The following XKR4 variants were observed in gnomAD, a reference collection of about 807,000 sequenced individuals.
XKR4 encodes XK-related protein 4.
Under a neutral mutation model 53.9 loss-of-function variants are expected in XKR4, and 12 were observed. The observed-to-expected ratio is 0.22, with a 90% CI of 0.14 to 0.36. XKR4 has a LOEUF of 0.36. Among genes scored for constraint, XKR4 ranks in the 10% least tolerant of loss-of-function variants. XKR4 has a pLI of 1.00. For missense variants in XKR4, 799 were observed against 859.5 expected (o/e 0.93, Z 0.88); for synonymous variants, 354 against 362.4 (o/e 0.98, Z 0.26).
intron 1 of XKR4, among the ~76,000 whole-genome samples, chr8:55,319,806 G>C (rs1245776327): frequency 2.6e-5 from 4 of 152,196 alleles, no homozygotes; most frequent in Admixed American, 1.3e-4. Context: ...AAAGTTACTT[G>C]GTGAGATGAA....
chr8:55,127,727 C>A, intron 1 of XKR4, among the ~76,000 whole-genome samples: 1 of 120,464 alleles, frequency 8.3e-6, no homozygotes, highest in Non-Finnish European at 1.7e-5. Context: ...GCTATCCCTC[C>A]CCCCTCCCCC....
intron 2 of XKR4, among the ~76,000 whole-genome samples, chr8:55,441,309 A>G (rs1805262749): frequency 6.6e-6 from 1 of 152,134 alleles, no homozygotes; most frequent in Non-Finnish European, 1.5e-5. Flanking sequence ...TTAAAAATAA[A>G]TAAATCACCA....
chr8:55,438,813 A>G (rs1805222618), intron 2 of XKR4, among the ~76,000 whole-genome samples: 1 of 152,200 alleles, frequency 6.6e-6, no homozygotes, highest in Non-Finnish European at 1.5e-5. Context: ...TAAGGACAAG[A>G]GAGGCTATAA....
intron 1 of XKR4, among the ~76,000 whole-genome samples, chr8:55,242,055 T>A (rs13271470): frequency 0.5 from 76,116 of 152,054 alleles, 21,920 homozygotes; most frequent in Non-Finnish European, 0.66. Context: ...TTATTCTGAA[T>A]GGTTTAAGTG....
intron 1 of XKR4, among the ~76,000 whole-genome samples, chr8:55,180,949 T>C (rs566632417): frequency 6.6e-6 from 1 of 152,320 alleles, no homozygotes; most frequent in Non-Finnish European, 1.5e-5. Flanking sequence ...CACAACAGAC[T>C]TGCTAATGAG....
chr8:55,350,429 T>C lies in XKR4; in HGVS notation c.807-7249T>C, dbSNP rs76615365. 1.7e-3 allele frequency among the ~76,000 whole-genome samples: 260 copies of C among 152,250 alleles called. 2 individuals carry two copies. Among genetic ancestry groups the C allele is most frequent in the African/African-American group, 6.1e-3 (255 of 41,542 alleles). ...AGTTGCTATGTTGTATGGAGGTCTT[T>C]CCTCCATCAAAAATTCAGGCATTTT... is the stretch of plus-strand genomic sequence containing the variant. On this transcript the variant is annotated intron_variant, in intron 1 of 2. Transcript: ENST00000327381.
intron 2 of XKR4, among the ~76,000 whole-genome samples, chr8:55,432,932 G>A (rs1382192286): frequency 6.6e-6 from 1 of 152,156 alleles, no homozygotes; most frequent in Non-Finnish European, 1.5e-5. Flanking sequence ...GTAGCAGGTG[G>A]GGTAGGGTCT....
chr8:55,214,450 G>A (rs897543903), intron 1 of XKR4, among the ~76,000 whole-genome samples: 1 of 152,138 alleles, frequency 6.6e-6, no homozygotes, highest in Admixed American at 6.6e-5. Flanking sequence ...ACTATAGTGA[G>A]TATTGTACAT....
intron 2 of XKR4, among the ~76,000 whole-genome samples, chr8:55,405,646 T>C (rs1804669784): frequency 6.6e-6 from 1 of 152,260 alleles, no homozygotes; most frequent in Non-Finnish European, 1.5e-5. Context: ...ACACTCTTGA[T>C]ACTCTTCAAT....
intron 1 of XKR4, among the ~76,000 whole-genome samples, chr8:55,200,433 C>A (rs1474402615): frequency 2.6e-5 from 4 of 152,152 alleles, no homozygotes; most frequent in Non-Finnish European, 5.9e-5. Flanking sequence ...CATGTGATTA[C>A]AAATACAGTT....
At chr8:55,459,461 T>C (rs1585585678) in intron 2 of XKR4, among the ~76,000 whole-genome samples, 1 of 152,242 alleles carries the variant, frequency 6.6e-6, no homozygotes, top group East Asian at 1.9e-4. Context: ...AATCTGCTTT[T>C]CAAATGCCAA....
At chr8:55,127,824 T>C (rs1033954423) in intron 1 of XKR4, among the ~76,000 whole-genome samples, 9 of 148,286 alleles carry the variant, frequency 6.1e-5, no homozygotes, top group Admixed American at 2.7e-4. Flanking sequence ...AGTGAGAACA[T>C]GTGGTGTTTG....
chr8:55,194,766 T>G (rs1032061824), intron 1 of XKR4, among the ~76,000 whole-genome samples: 4 of 152,118 alleles, frequency 2.6e-5, no homozygotes, highest in Non-Finnish European at 5.9e-5. Context: ...ACCTCTCAGG[T>G]GTCAAACAAA....
intron 1 of XKR4, among the ~76,000 whole-genome samples, chr8:55,194,724 TG>T (rs1445740451): frequency 2.0e-5 from 3 of 152,176 alleles, no homozygotes; most frequent in Non-Finnish European, 4.4e-5. Flanking sequence ...TGCACCCATT[TG>T]GAGCCCTCTA....
intron 1 of XKR4, among the ~76,000 whole-genome samples, chr8:55,148,171 G>T (rs1394694329): frequency 3.9e-5 from 6 of 152,114 alleles, no homozygotes; most frequent in Non-Finnish European, 8.8e-5. Context: ...TTTCACAAAG[G>T]CATATAGCTT....
At chr8:55,134,868 G>A (rs528674257) in intron 1 of XKR4, among the ~76,000 whole-genome samples, 2 of 152,220 alleles carry the variant, frequency 1.3e-5, no homozygotes, top group East Asian at 1.9e-4. Context: ...TTTAATTCTC[G>A]CAACCCAAGC....
At chr8:55,396,398 G>GTTTTTT (rs1478254228) in intron 2 of XKR4, among the ~76,000 whole-genome samples, 6 of 36,470 alleles carry the variant, frequency 1.6e-4, no homozygotes, top group African/African-American at 6.8e-4. Context: ...TTTTTTGTTT[G>GTTTTTT]GTTTTTTTTT....
At chr8:55,326,287 T>C (rs922337934) in intron 1 of XKR4, among the ~76,000 whole-genome samples, 1 of 152,156 alleles carries the variant, frequency 6.6e-6, no homozygotes, top group African/African-American at 2.4e-5. Flanking sequence ...CCAGGCCCTG[T>C]CATGAGTGCT....
At chr8:55,346,154 T>C (rs1224832602) in intron 1 of XKR4, among the ~76,000 whole-genome samples, 1 of 151,692 alleles carries the variant, frequency 6.6e-6, no homozygotes, top group East Asian at 1.9e-4. Flanking sequence ...GGCACAATCT[T>C]GGCTCACTGC....
Sources: gnomAD v4.1 joint callset for allele counts (sites outside exome capture counted in the v4.1 genomes callset) on GRCh38, gnomAD v4.1.1 for gene constraint, MANE v1.5 for transcripts, NCBI Gene and HGNC (gene_info 2026-07-23, HGNC 2026-07-21) for gene names.